OLFM4: variants seen among roughly 807,000 people sequenced by gnomAD.
OLFM4 encodes olfactomedin 4.
Under a neutral mutation model 25.5 loss-of-function variants are expected in OLFM4, and 22 were observed. The observed-to-expected ratio is 0.86, with a 90% confidence interval of 0.62 to 1.23. The LOEUF (loss-of-function observed/expected upper bound fraction) is 1.23, where lower values mean the gene tolerates loss of function less well. Ranked by LOEUF, OLFM4 falls within the 50% of genes most tolerant of loss-of-function variation. The pLI is 0.00. For missense variants in OLFM4, 594 were observed against 619.4 expected, an observed-to-expected ratio of 0.96 and a Z score of 0.44; for synonymous variants, 255 against 237.7, an observed-to-expected ratio of 1.07 and a Z score of -0.67.
Position 53,041,967 on chromosome 13 carries a change from G to A in OLFM4, c.415G>A (p.Val139Ile), listed in dbSNP as rs1462161588. The change falls in exon 3 of 5, where the codon GTC becomes ATC. Residue 139 changes from valine (V) to isoleucine (I), a missense_variant. Transcript: ENST00000219022. Reference protein sequence around the residue: ...VYEKKLLNLTVRIDIMEKDTI... With the variant: ...VYEKKLLNLTIRIDIMEKDTI... Reference sequence around the variant, plus strand: ...TGAAAAGAAACTGTTAAACCTAACTGTCCGAATTGACATCATGGAGAAGGA... The same window carrying A: ...TGAAAAGAAACTGTTAAACCTAACTATCCGAATTGACATCATGGAGAAGGA... 17 of 1,613,818 alleles carry A rather than the reference G, an allele frequency of 1.1e-5. No individual in the cohort carries two copies. The highest frequency in any genetic ancestry group is 1.4e-5 in the Non-Finnish European group (17 of 1,179,874).
intron 2 of OLFM4, among the ~76,000 whole-genome samples, chr13:53,037,075 T>C (rs1012606956): frequency 6.6e-6 from 1 of 152,246 alleles, no homozygotes; most frequent in Non-Finnish European, 1.5e-5. Flanking sequence ...CTAGGTTGCC[T>C]TGAAAATTGT....
At chr13:53,035,001 T>C (rs1055052461) in intron 2 of OLFM4, among the ~76,000 whole-genome samples, 13 of 152,074 alleles carry the variant, frequency 8.5e-5, no homozygotes, top group African/African-American at 3.1e-4. Context: ...CCCTTATTCA[T>C]CCCTTCTAAT....
At chr13:53,042,570 C>T (rs537963710) in intron 3 of OLFM4, among the ~76,000 whole-genome samples, 1 of 152,290 alleles carries the variant, frequency 6.6e-6, no homozygotes, top group Admixed American at 6.5e-5. Context: ...AAACTGGAAA[C>T]CCCCTTTAAG....
chr13:53,038,740 C>A (rs1429384798), intron 2 of OLFM4, among the ~76,000 whole-genome samples: 32 of 152,234 alleles, frequency 2.1e-4, no homozygotes, highest in Admixed American at 2.0e-3. Context: ...TCTCCCAAGA[C>A]TGCACCTCCC....
At position 53,041,930 on chromosome 13, in the gene OLFM4, A is replaced by G. The variant is rs762708213; in HGVS notation, c.378A>G (p.Leu126=). The G allele has an allele frequency of 1.2e-6, 2 of 1,613,648 alleles. No homozygotes were observed. Among genetic ancestry groups the G allele is most frequent in the African/African-American group, 1.3e-5 (1 of 75,046 alleles). The change falls in exon 3 of 5, where the codon TTA becomes TTG. Residue 126 remains leucine (L), a synonymous_variant. Coordinates refer to ENST00000219022, the MANE Select transcript of OLFM4 (RefSeq NM_006418.5). ...ELSKVREYVQ[L]ISVYEKKLLN... ...TTCAGGTGAGGGAATATGTCCAATTAATTAGTGTGTATGAAAAGAAACTGT... is the reference window on the plus strand; with the variant it reads ...TTCAGGTGAGGGAATATGTCCAATTGATTAGTGTGTATGAAAAGAAACTGT...
intron 1 of OLFM4, among the ~76,000 whole-genome samples, chr13:53,032,862 T>A (rs1199998516): frequency 6.6e-6 from 1 of 152,166 alleles, no homozygotes; most frequent in African/African-American, 2.4e-5. Context: ...TCAGGCATTA[T>A]GGAGGTTGGT....
chr13:53,046,395 T>C (rs1394316348), intron 4 of OLFM4, among the ~76,000 whole-genome samples: 3 of 152,154 alleles, frequency 2.0e-5, no homozygotes, highest in Non-Finnish European at 4.4e-5. Flanking sequence ...ATCTAATGAA[T>C]TGCATGATGA....
intron 3 of OLFM4, among the ~76,000 whole-genome samples, chr13:53,042,618 T>A (rs984307359): frequency 6.6e-6 from 1 of 152,224 alleles, no homozygotes; most frequent in African/African-American, 2.4e-5. Flanking sequence ...TTTTAAGATC[T>A]GTGGATAAAG....
At chr13:53,032,429 T>C (rs1358962467) in intron 1 of OLFM4, among the ~76,000 whole-genome samples, 2 of 152,202 alleles carry the variant, frequency 1.3e-5, no homozygotes, top group African/African-American at 4.8e-5. Context: ...AGCCTTGGCA[T>C]GCTTGAGTTG....
chr13:53,039,388 G>A (rs2138235832), intron 2 of OLFM4, among the ~76,000 whole-genome samples: 1 of 152,214 alleles, frequency 6.6e-6, no homozygotes, highest in South Asian at 2.1e-4. Flanking sequence ...GACTTGTTAG[G>A]TTTTATATAT....
chr13:53,038,617 A>G (rs1954671691), intron 2 of OLFM4, among the ~76,000 whole-genome samples: 1 of 152,216 alleles, frequency 6.6e-6, no homozygotes, highest in African/African-American at 2.4e-5. Flanking sequence ...AGTCTGTCAT[A>G]GACAAAAATG....
At position 53,049,972 on chromosome 13, in the gene OLFM4, G is replaced by T; in HGVS notation, c.734G>T (p.Ser245Ile). 6.2e-7 allele frequency: 1 copy of T among 1,602,156 alleles called. No homozygotes were observed. Among genetic ancestry groups the T allele is most frequent in the Non-Finnish European group, 8.5e-7 (1 of 1,171,004 alleles). The stretch of plus-strand genomic sequence containing the variant: ...TTTTATTTTCTTGTTTGTATAGGGA[G>T]CTGTGGTCATGGTGGTGTGGTGAAC... ...PVVHPPPTPG[S>I]CGHGGVVNIS... Residue 245 changes from serine (S) to isoleucine (I), a missense_variant, in exon 5 of 5, where the codon AGC (serine) becomes ATC (isoleucine). By Grantham distance (142) the Ser-to-Ile change is moderately radical (BLOSUM62 -2). Coordinates refer to ENST00000219022, the MANE Select transcript of OLFM4 (RefSeq NM_006418.5).
At chr13:53,047,816 T>G (rs901981923) in intron 4 of OLFM4, among the ~76,000 whole-genome samples, 1 of 152,170 alleles carries the variant, frequency 6.6e-6, no homozygotes, top group Non-Finnish European at 1.5e-5. Context: ...GTCTAAAAAT[T>G]TCCACATCTG....
chr13:53,048,469 C>T (rs754121961), intron 4 of OLFM4, among the ~76,000 whole-genome samples: 3 of 152,038 alleles, frequency 2.0e-5, no homozygotes, highest in Admixed American at 6.6e-5. Context: ...ACCAAAAAGC[C>T]CCAGCCGATT....
chr13:53,049,934 T>C, intron 4 of OLFM4, 35 bp from the exon 5 acceptor site: 1 of 1,542,080 alleles, frequency 6.5e-7, no homozygotes, highest in South Asian at 1.2e-5. Flanking sequence ...ATTCCTTTTC[T>C]CTAAAAATGC....
intron 4 of OLFM4, among the ~76,000 whole-genome samples, chr13:53,047,372 T>C (rs1295452627): frequency 1.3e-5 from 2 of 152,052 alleles, no homozygotes; most frequent in African/African-American, 2.4e-5. Flanking sequence ...GTGTCCAAGA[T>C]GGTTTGCTGC....
In OLFM4 at chr13:53,041,978, C is replaced by T; in HGVS notation, c.426C>T (p.Asp142=). The T allele has an allele frequency of 1.2e-6, 2 of 1,613,904 alleles. No individual in the cohort carries two copies. Among genetic ancestry groups the T allele is most frequent in the South Asian group, 1.1e-5 (1 of 91,064 alleles). Reference sequence around the variant, plus strand: ...TGTTAAACCTAACTGTCCGAATTGACATCATGGAGAAGGATACCATTTCTT... The same window carrying T: ...TGTTAAACCTAACTGTCCGAATTGATATCATGGAGAAGGATACCATTTCTT... ...KKLLNLTVRI[D]IMEKDTISYT... Residue 142 remains aspartate (D), a synonymous_variant, in exon 3 of 5, where the codon GAC becomes GAT. Coordinates refer to ENST00000219022, the MANE Select transcript of OLFM4 (RefSeq NM_006418.5).
chr13:53,049,891 G>T (rs1305714867), intron 4 of OLFM4, 78 bp from the exon 5 acceptor site: 1 of 1,385,580 alleles, frequency 7.2e-7, no homozygotes, highest in Non-Finnish European at 9.9e-7. Context: ...GATTCCTTTG[G>T]TGCTTAGGAT....
chr13:53,042,066 C>G lies in OLFM4; in HGVS notation c.514C>G (p.Gln172Glu), dbSNP rs143030128. 43 of 1,613,908 alleles carry G rather than the reference C, an allele frequency of 2.7e-5. No individual in the cohort carries two copies. Among genetic ancestry groups the G allele is most frequent in the Middle Eastern group, 1.6e-4 (1 of 6,082 alleles). The change falls in exon 3 of 5, where the codon CAG becomes GAG. Residue 172 changes from glutamine to glutamate, a missense_variant. By Grantham distance (29) the Gln-to-Glu change is conservative. Coordinates refer to ENST00000219022, the MANE Select transcript of OLFM4 (RefSeq NM_006418.5). The part of the protein sequence containing the change: ...EVKEMEKLVI[Q>E]LKESFGGSSE... Reference sequence around the variant, plus strand: ...GAAGGAGATGGAAAAACTGGTCATACAGCTGAAGGAGAGTTTTGGTGGAAG... The same window carrying G: ...GAAGGAGATGGAAAAACTGGTCATAGAGCTGAAGGAGAGTTTTGGTGGAAG...
Sources: allele counts gnomAD v4.1 joint callset (sites outside exome capture counted in the v4.1 genomes callset), GRCh38; gene constraint gnomAD v4.1.1; transcripts MANE v1.5; gene names NCBI Gene and HGNC (gene_info 2026-07-23, HGNC 2026-07-21).